RFTN1: variants seen among roughly 807,000 people sequenced by gnomAD.
RFTN1 encodes the protein raftlin, lipid raft linker 1, also known as raftlin.
RFTN1 carries 26 observed loss-of-function variants against 46.5 expected under a neutral mutation model. The observed-to-expected ratio is 0.56, with a 90% CI of 0.41 to 0.78. The LOEUF is 0.78. RFTN1 is among the 30% of genes least tolerant of loss of function. RFTN1 has a pLI of 0.00. For synonymous variants in RFTN1, 261 were observed against 284.2 expected, an observed-to-expected ratio of 0.92 and a Z score of 0.82; for missense variants, 693 against 718.7, an observed-to-expected ratio of 0.96 and a Z score of 0.41.
intron 3 of RFTN1, among the ~76,000 whole-genome samples, chr3:16,432,676 A>G (rs891482920): frequency 6.8e-6 from 1 of 146,564 alleles, no homozygotes; most frequent in East Asian, 1.9e-4. Flanking sequence ...GTTTCTACAG[A>G]AAAAAAAAAG....
Position 16,346,302 on chromosome 3 carries a change from G to C in RFTN1, c.1146+11630C>G, listed in dbSNP as rs2071714764. ...AGTAGGAACTCAATATTTATTTGTT[G>C]GATAAATTTTTAAAAAGATATAACT... On this transcript the variant is annotated intron_variant, in intron 7 of 9. Transcript: ENST00000334133. This position sits in a 1 kb window ranked among gnomAD's most constrained non-coding sequence, Gnocchi z 4.4. The C allele has an allele frequency of 6.6e-6, 1 of 151,954 alleles. No homozygotes were observed. 9.4% of individuals were successfully genotyped at this position (151,954 alleles called of 1,614,324 possible). A position where few individuals can be genotyped will look rare whatever the true frequency, so the allele number is the denominator to read the frequency against.
Position 16,426,660 on chromosome 3 carries a change from C to T in RFTN1, c.332+7191G>A, listed in dbSNP as rs77246123. On this transcript the variant is annotated intron_variant, in intron 3 of 9. Coordinates refer to ENST00000334133, the MANE Select transcript of RFTN1 (RefSeq NM_015150.2). The surrounding 1 kb of genome is among the most constrained non-coding windows in gnomAD (Gnocchi z 5.9). ...ACTGTTATTTTGGCAATGAAAGGAT[C>T]GTGTGTGTGTGTGTGTGTGTGTGTG... Among the ~76,000 whole-genome samples, 976 of 142,116 alleles carry T rather than the reference C, an allele frequency of 6.9e-3. 36 individuals carry two copies. In the East Asian group the frequency reaches 0.074, roughly 11 times the overall value. 93.2% of individuals were successfully genotyped at this position (142,116 alleles called of 152,430 possible).
At position 16,329,362 on chromosome 3, in the gene RFTN1, GA is replaced by G. The variant is rs772122913; in HGVS notation, c.1147-2487del. Among the ~76,000 whole-genome samples, 267 of 152,202 alleles carry G rather than the reference GA, an allele frequency of 1.8e-3. 1 individual carries two copies. The highest frequency in any genetic ancestry group is 6.1e-3 in the African/African-American group (254 of 41,538). On this transcript the variant is annotated intron_variant, in intron 7 of 9. Coordinates refer to ENST00000334133, the MANE Select transcript of RFTN1 (RefSeq NM_015150.2). The surrounding 1 kb of genome is among the most constrained non-coding windows in gnomAD (Gnocchi z 4.5). Reference sequence around the variant, plus strand: ...AGTGGAGAAAGGGAAAGGGAAAGAGGAAACTTAATAAAGGAAGGCGGAAGGG... The same window carrying G: ...AGTGGAGAAAGGGAAAGGGAAAGAGGAACTTAATAAAGGAAGGCGGAAGGG...
Position 16,400,020 on chromosome 3 carries a change from CACTA to C in RFTN1, c.441+9351_441+9354del, listed in dbSNP as rs1215809448. Among the ~76,000 whole-genome samples the C allele has an allele frequency of 6.6e-6, 1 of 152,206 alleles. No homozygotes were observed. The highest frequency in any genetic ancestry group is 2.4e-5 in the African/African-American group (1 of 41,438). ...ACCCACTCTTGACCCAGAAGCCAGT[CACTA>C]ACCTGCAGCCATTCTGATCTTTCCA... is the stretch of plus-strand genomic sequence containing the variant. On this transcript the variant is annotated intron_variant, in intron 4 of 9. Transcript: ENST00000334133. The surrounding 1 kb of genome is among the most constrained non-coding windows in gnomAD (Gnocchi z 4.5).
intron 2 of RFTN1, among the ~76,000 whole-genome samples, chr3:16,437,618 A>G (rs1304268028): frequency 1.3e-5 from 2 of 152,128 alleles, no homozygotes; most frequent in African/African-American, 4.8e-5. Flanking sequence ...CTGAGATCGC[A>G]CCACTGCACT....
At chr3:16,469,735 C>T (rs1454425693) in intron 2 of RFTN1, among the ~76,000 whole-genome samples, 1 of 152,222 alleles carries the variant, frequency 6.6e-6, no homozygotes, top group Non-Finnish European at 1.5e-5. Flanking sequence ...GCTTGCTCAC[C>T]TTGAACATGA....
Position 16,424,222 on chromosome 3 carries a change from C to A in RFTN1, c.332+9629G>T, listed in dbSNP as rs2075247397. 6.6e-6 allele frequency among the ~76,000 whole-genome samples: 1 copy of A among 152,176 alleles called. No homozygotes were observed. Among genetic ancestry groups the A allele is most frequent in the Non-Finnish European group, 1.5e-5 (1 of 68,034 alleles). On this transcript the variant is annotated intron_variant, in intron 3 of 9. Coordinates refer to ENST00000334133, the MANE Select transcript of RFTN1 (RefSeq NM_015150.2). The surrounding 1 kb of genome is among the most constrained non-coding windows in gnomAD (Gnocchi z 4.7). ...GATGATGTATTTCTGTGCCATGAGT[C>A]TCAAGATGGAACTTGAGTTCTATAT...
chr3:16,512,880 T>A lies in RFTN1; in HGVS notation c.-9+562A>T, dbSNP rs1000602499. 6.6e-6 allele frequency: 1 copy of A among 152,242 alleles called. No homozygotes were observed. The allele number at this position is 152,242 out of a possible 1,614,324, so 9.4% of individuals were successfully genotyped here. A position where few individuals can be genotyped will look rare whatever the true frequency, so the allele number is the denominator to read the frequency against. ...GCGCTTCCTCGGAGCGCGCGGCATG[T>A]CTGCTCCTACACGTCCAGCACCTCT... is the stretch of plus-strand genomic sequence containing the variant. On this transcript the variant is annotated intron_variant, in intron 1 of 9. Transcript: ENST00000334133. This position sits in a 1 kb window ranked among gnomAD's most constrained non-coding sequence, Gnocchi z 4.3.
At position 16,348,283 on chromosome 3, in the gene RFTN1, C is replaced by T. The variant is rs570000051; in HGVS notation, c.1146+9649G>A. On this transcript the variant is annotated intron_variant, in intron 7 of 9. Coordinates refer to ENST00000334133, the MANE Select transcript of RFTN1 (RefSeq NM_015150.2). The surrounding 1 kb of genome is among the most constrained non-coding windows in gnomAD (Gnocchi z 6.3). Reference sequence around the variant, plus strand: ...CACTGACATTATCCATAATCAGAGGCGTCTAGGAGATCACCCACATTATCT... The same window carrying T: ...CACTGACATTATCCATAATCAGAGGTGTCTAGGAGATCACCCACATTATCT... Among the ~76,000 whole-genome samples, 12 of 152,056 alleles carry T rather than the reference C, an allele frequency of 7.9e-5. No homozygotes were observed. The East Asian group carries it at 1.3e-3, about 17-fold the overall frequency.
chr3:16,473,210 C>G lies in RFTN1; in HGVS notation c.145+20515G>C, dbSNP rs2076225901. Among the ~76,000 whole-genome samples the G allele has an allele frequency of 6.6e-6, 1 of 152,152 alleles. No individual in the cohort carries two copies. The highest frequency in any genetic ancestry group is 2.1e-4 in the South Asian group (1 of 4,824). ...ACAATTAGGTCAACACTGTTGACCACAGTATACCACCTCCACCCCAATACT... is the reference window on the plus strand; with the variant it reads ...ACAATTAGGTCAACACTGTTGACCAGAGTATACCACCTCCACCCCAATACT... On this transcript the variant is annotated intron_variant, in intron 2 of 9. Transcript: ENST00000334133. This position sits in a 1 kb window ranked among gnomAD's most constrained non-coding sequence, Gnocchi z 5.3.
At position 16,489,492 on chromosome 3, in the gene RFTN1, C is replaced by G. The variant is rs1378697212; in HGVS notation, c.145+4233G>C. 6.6e-6 allele frequency among the ~76,000 whole-genome samples: 1 copy of G among 152,102 alleles called. No individual in the cohort carries two copies. The highest frequency in any genetic ancestry group is 1.5e-5 in the Non-Finnish European group (1 of 68,012). ...GGGATAACAAAGGGGCATGAGGAAACTTCTGGGGCAATGGAAATGTTCTGC... is the reference window on the plus strand; with the variant it reads ...GGGATAACAAAGGGGCATGAGGAAAGTTCTGGGGCAATGGAAATGTTCTGC... On this transcript the variant is annotated intron_variant, in intron 2 of 9. Transcript: ENST00000334133. This position sits in a 1 kb window ranked among gnomAD's most constrained non-coding sequence, Gnocchi z 4.0.
rs57242614 is a variant in RFTN1 at position 16,443,750 on chromosome 3, A to AAC, written c.146-9715_146-9714dup. On this transcript the variant is annotated intron_variant, in intron 2 of 9. Transcript: ENST00000334133. The surrounding 1 kb of genome is among the most constrained non-coding windows in gnomAD (Gnocchi z 5.5). ...CACACATAGTCAATGAATTACACACAACACACACACACACACACACACACA... is the reference window on the plus strand; with the variant it reads ...CACACATAGTCAATGAATTACACACAACACACACACACACACACACACACACA... Among the ~76,000 whole-genome samples, 5,537 of 145,968 alleles carry AAC rather than the reference A, an allele frequency of 0.038. 134 individuals carry two copies. Among genetic ancestry groups the AAC allele is most frequent in the African/African-American group, 0.075 (2,974 of 39,894 alleles).
intron 2 of RFTN1, among the ~76,000 whole-genome samples, chr3:16,482,133 T>G (rs976499324): frequency 6.6e-6 from 1 of 152,124 alleles, no homozygotes. Context: ...CTCCGGACCC[T>G]CAGAGACTCT....
chr3:16,505,670 G>A (rs2076792342), intron 1 of RFTN1, among the ~76,000 whole-genome samples: 1 of 152,110 alleles, frequency 6.6e-6, no homozygotes, highest in African/African-American at 2.4e-5. Flanking sequence ...AATGGATGAG[G>A]TCCACCCACA....
At chr3:16,497,921 G>A (rs1172481892) in intron 1 of RFTN1, among the ~76,000 whole-genome samples, 1 of 152,178 alleles carries the variant, frequency 6.6e-6, no homozygotes, top group East Asian at 1.9e-4. Flanking sequence ...TTACCAGGAT[G>A]AGAAGAAAGG....
intron 8 of RFTN1, among the ~76,000 whole-genome samples, chr3:16,324,163 C>A (rs1044938754): frequency 1.3e-5 from 2 of 152,022 alleles, no homozygotes; most frequent in African/African-American, 4.8e-5. Context: ...TTTTAATTTA[C>A]AAATAATAAT....
Position 16,451,863 on chromosome 3 carries a change from C to T in RFTN1, c.146-17826G>A, listed in dbSNP as rs1426602887. On this transcript the variant is annotated intron_variant, in intron 2 of 9. Coordinates refer to ENST00000334133, the MANE Select transcript of RFTN1 (RefSeq NM_015150.2). The surrounding 1 kb of genome is among the most constrained non-coding windows in gnomAD (Gnocchi z 4.2). The stretch of plus-strand genomic sequence containing the variant: ...CTTTACAGCTTCATTTTGGCATATC[C>T]GAATTGCCAGCATCACTAGCTTTGT... Among the ~76,000 whole-genome samples, 1 of 152,070 alleles carries T rather than the reference C, an allele frequency of 6.6e-6. No individual in the cohort carries two copies. Among genetic ancestry groups the T allele is most frequent in the Non-Finnish European group, 1.5e-5 (1 of 68,018 alleles).
At position 16,484,490 on chromosome 3, in the gene RFTN1, T is replaced by G. The variant is rs921724754; in HGVS notation, c.145+9235A>C. Among the ~76,000 whole-genome samples, 2 of 152,068 alleles carry G rather than the reference T, an allele frequency of 1.3e-5. No individual in the cohort carries two copies. Among genetic ancestry groups the G allele is most frequent in the Non-Finnish European group, 2.9e-5 (2 of 68,016 alleles). ...AATGTCGAAGAAAACATCCCGAAAA[T>G]CAGTTCTTAAAGTCCTCTTAGACAG... On this transcript the variant is annotated intron_variant, in intron 2 of 9. Coordinates refer to ENST00000334133, the MANE Select transcript of RFTN1 (RefSeq NM_015150.2). This position sits in a 1 kb window ranked among gnomAD's most constrained non-coding sequence, Gnocchi z 4.6.
Position 16,513,651 on chromosome 3 carries a change from C to T in RFTN1, c.-218G>A, listed in dbSNP as rs1693774271. On this transcript the variant is annotated 5_prime_UTR_variant, in exon 1 of 10. Transcript: ENST00000334133. The surrounding 1 kb of genome is among the most constrained non-coding windows in gnomAD (Gnocchi z 5.4). ...TGTCCCTCGCCGGAGCCCGCGGCCG[C>T]CGCGCTCTCGCTCGCTGCGCCCAGC... 6.6e-6 allele frequency: 1 copy of T among 150,994 alleles called. No homozygotes were observed. The highest frequency in any genetic ancestry group is 1.8e-4 in the South Asian group (1 of 5,630). 9.4% of individuals were successfully genotyped at this position (150,994 alleles called of 1,614,324 possible).
Sources: gnomAD v4.1 joint callset for allele counts (sites outside exome capture counted in the v4.1 genomes callset) on GRCh38, gnomAD v4.1.1 for gene constraint, Gnocchi (gnomAD v3.1) non-coding constraint, MANE v1.5 for transcripts, NCBI Gene and HGNC (gene_info 2026-07-23, HGNC 2026-07-21) for gene names.